Variants in AGBL1 observed in about 807,000 individuals in gnomAD.
The protein encoded by AGBL1 is AGBL carboxypeptidase 1.
A neutral mutation model predicts 118.9 loss-of-function variants in AGBL1; 130 were observed. That is an observed-to-expected ratio of 1.09 (90% CI 0.95 to 1.26). The LOEUF is 1.26. Among genes scored for constraint, AGBL1 ranks in the 50% most tolerant of loss-of-function variants. The pLI is 0.00. For synonymous variants in AGBL1, 555 were observed against 478.9 expected (o/e 1.16, Z -2.08); for missense variants, 1,584 against 1,298.1 (o/e 1.22, Z -3.38).
chr15:86,890,562 TGTG>T (rs2080039135), intron 22 of AGBL1, among the ~76,000 whole-genome samples: 1 of 152,242 alleles, frequency 6.6e-6, no homozygotes, highest in Middle Eastern at 3.4e-3. Context: ...TCTTAATTTC[TGTG>T]TAAGGTATAA....
At chr15:86,994,368 G>T (rs1389332165) in intron 24 of AGBL1, among the ~76,000 whole-genome samples, 2 of 152,170 alleles carry the variant, frequency 1.3e-5, no homozygotes, top group Middle Eastern at 3.4e-3. Context: ...GGTCGGATGG[G>T]CACAGCCGGG....
rs141188328 is a variant in AGBL1, at chr15:86,188,493, G to A, written c.488+29467G>A. Among the ~76,000 whole-genome samples the A allele has an allele frequency of 5.9e-3, 891 of 152,236 alleles. 9 individuals carry two copies. Among genetic ancestry groups the A allele is most frequent in the African/African-American group, 0.021 (859 of 41,546 alleles). On this transcript the variant is annotated intron_variant, in intron 5 of 22. Coordinates refer to ENST00000614907, the MANE Select transcript of AGBL1 (RefSeq NM_001386094.1). Reference sequence around the variant, plus strand: ...AGACTTGGCAGACGTAACTAATATAGATTTTAACAAATTCTATTCAGGCTA... The same window carrying A: ...AGACTTGGCAGACGTAACTAATATAAATTTTAACAAATTCTATTCAGGCTA...
chr15:86,900,652 ATT>A (rs71144080), intron 22 of AGBL1, among the ~76,000 whole-genome samples: 1 of 146,582 alleles, frequency 6.8e-6, no homozygotes. Flanking sequence ...TTATATCAGA[ATT>A]TTTTTTTTTT....
At chr15:86,781,912 T>A (rs941381178) in intron 22 of AGBL1, among the ~76,000 whole-genome samples, 1 of 152,208 alleles carries the variant, frequency 6.6e-6, no homozygotes, top group African/African-American at 2.4e-5. Flanking sequence ...GGCCTTGTTA[T>A]AGCTATTAAC....
At chr15:86,862,097 T>G (rs1264999154) in intron 22 of AGBL1, among the ~76,000 whole-genome samples, 1 of 152,164 alleles carries the variant, frequency 6.6e-6, no homozygotes, top group African/African-American at 2.4e-5. Flanking sequence ...TTTATGAAAT[T>G]GGAATAACAA....
At chr15:86,918,545 A>AG (rs2080452306), downstream of AGBL1, among the ~76,000 whole-genome samples, 1 of 30,510 alleles carries the variant, frequency 3.3e-5, no homozygotes, top group South Asian at 2.3e-3. Flanking sequence ...CTCAAAAAAT[A>AG]AAAAAAAAAA....
At chr15:86,438,129 A>G (rs1210366607) in intron 18 of AGBL1, among the ~76,000 whole-genome samples, 1 of 152,086 alleles carries the variant, frequency 6.6e-6, no homozygotes, top group Admixed American at 6.5e-5. Context: ...GTTGGTCTCC[A>G]ACTCCTGACC....
chr15:86,430,292 C>G (rs1343843982), intron 18 of AGBL1, among the ~76,000 whole-genome samples: 1 of 151,892 alleles, frequency 6.6e-6, no homozygotes, highest in African/African-American at 2.4e-5. Context: ...GTCAGGAGAT[C>G]GAGACCATCC....
chr15:86,525,095 T>G (rs2083245281), intron 19 of AGBL1, among the ~76,000 whole-genome samples: 1 of 152,094 alleles, frequency 6.6e-6, no homozygotes, highest in African/African-American at 2.4e-5. Context: ...ATAGCACTGC[T>G]GTATACCAAT....
intron 5 of AGBL1, among the ~76,000 whole-genome samples, chr15:86,224,707 G>A (rs112345911): frequency 3.2e-4 from 49 of 152,226 alleles, no homozygotes; most frequent in African/African-American, 1.1e-3. Flanking sequence ...GGACCTCAGA[G>A]ACCCATCTAC....
chr15:86,576,558 C>T (rs1407868821), intron 21 of AGBL1, among the ~76,000 whole-genome samples: 4 of 152,206 alleles, frequency 2.6e-5, no homozygotes, highest in African/African-American at 9.7e-5. Flanking sequence ...AGTCTCTTTA[C>T]ACATCCAGTT....
intron 22 of AGBL1, among the ~76,000 whole-genome samples, chr15:86,901,728 T>G (rs2080214720): frequency 1.3e-5 from 2 of 152,142 alleles, no homozygotes. Flanking sequence ...TCAAAATAGT[T>G]TATAATTTTC....
At position 86,257,954 on chromosome 15, in the gene AGBL1, C is replaced by T; in HGVS notation, c.902-10C>T. The T allele has an allele frequency of 1.9e-6, 3 of 1,611,670 alleles. No individual in the cohort carries two copies. The highest frequency in any genetic ancestry group is 2.5e-6 in the Non-Finnish European group (3 of 1,179,180). On this transcript the variant is annotated splice_polypyrimidine_tract_variant and intron_variant, in intron 8 of 22. Transcript: ENST00000614907. Reference sequence around the variant, plus strand: ...AACTTCACTTATTTCACCTCTTTTTCCCCATCCAGAGGATTTTGAAGATGA... The same window carrying T: ...AACTTCACTTATTTCACCTCTTTTTTCCCATCCAGAGGATTTTGAAGATGA...
At chr15:86,901,718 T>A (rs530764820) in intron 22 of AGBL1, among the ~76,000 whole-genome samples, 82 of 152,264 alleles carry the variant, frequency 5.4e-4, no homozygotes, top group African/African-American at 1.8e-3. Context: ...AATATTTACT[T>A]CAAAATAGTT....
chr15:86,156,223 T>TC (rs1368916829), intron 4 of AGBL1, among the ~76,000 whole-genome samples: 1 of 152,160 alleles, frequency 6.6e-6, no homozygotes, highest in Non-Finnish European at 1.5e-5. Context: ...GCCCTTTTTT[T>TC]CTCACATTTT....
chr15:86,391,498 T>C (rs980416766), intron 17 of AGBL1, among the ~76,000 whole-genome samples: 3 of 152,060 alleles, frequency 2.0e-5, no homozygotes, highest in Non-Finnish European at 4.4e-5. Context: ...CTAGGATTGC[T>C]GGACTTCATG....
intron 23 of AGBL1, among the ~76,000 whole-genome samples, chr15:86,941,449 C>A (rs185153928): frequency 6.6e-6 from 1 of 152,064 alleles, no homozygotes; most frequent in Non-Finnish European, 1.5e-5. Context: ...GTAAACATGA[C>A]GAACAGTCAC....
chr15:86,219,970 T>TTTTTC (rs1555450415), intron 5 of AGBL1, among the ~76,000 whole-genome samples: 1 of 145,830 alleles, frequency 6.9e-6, no homozygotes, highest in Non-Finnish European at 1.5e-5. Flanking sequence ...TTTTTTTTTT[T>TTTTTC]AGATGGAGTT....
intron 21 of AGBL1, among the ~76,000 whole-genome samples, chr15:86,644,650 AAATC>A (rs1038106941): frequency 1.3e-5 from 2 of 151,954 alleles, no homozygotes; most frequent in African/African-American, 4.8e-5. Flanking sequence ...AAAAAAAAAA[AAATC>A]AATATCATGA....
Sources: allele counts gnomAD v4.1 joint callset (sites outside exome capture counted in the v4.1 genomes callset), GRCh38; gene constraint gnomAD v4.1.1; transcripts MANE v1.5; gene names NCBI Gene and HGNC (gene_info 2026-07-23, HGNC 2026-07-21).